Variants in IL17RD observed in about 807,000 individuals in gnomAD.
The protein encoded by IL17RD is interleukin-17 receptor D.
Under a neutral mutation model 80.5 loss-of-function variants are expected in IL17RD, and 52 were observed. That is an observed-to-expected ratio of 0.65 (90% CI 0.52 to 0.81). The LOEUF (loss-of-function observed/expected upper bound fraction) is 0.81, where lower values mean the gene tolerates loss of function less well. Ranked by LOEUF, IL17RD falls within the 40% of genes least tolerant of loss-of-function variation. The pLI is 0.00. For synonymous variants in IL17RD, 416 were observed against 391.8 expected (o/e 1.06, Z -0.73); for missense variants, 1,024 against 955.1 (o/e 1.07, Z -0.95).
chr3:57,160,064 C>T (rs1194780951), intron 1 of IL17RD, among the ~76,000 whole-genome samples: 2 of 152,066 alleles, frequency 1.3e-5, no homozygotes, highest in African/African-American at 2.4e-5. Flanking sequence ...CCCAACTACT[C>T]GGGAGGCTGA....
rs1706553270 is a variant in IL17RD, at chr3:57,091,467, G to T, written c.*4926C>A. On this transcript the variant is annotated 3_prime_UTR_variant, in exon 13 of 13. Transcript: ENST00000296318. ...AGAATTTCCCCATAATCCCCATCCT[G>T]AGCCTCGTCTTCACAAGGCACCAAT... 6.6e-6 allele frequency: 1 copy of T among 152,584 alleles called. No individual in the cohort carries two copies. The highest frequency in any genetic ancestry group is 2.4e-5 in the African/African-American group (1 of 41,420). 9.5% of individuals were successfully genotyped at this position (152,584 alleles called of 1,614,324 possible).
intron 1 of IL17RD, among the ~76,000 whole-genome samples, chr3:57,140,009 A>G (rs1312972701): frequency 6.6e-6 from 1 of 152,184 alleles, no homozygotes; most frequent in Non-Finnish European, 1.5e-5. Flanking sequence ...AACTTAAAAA[A>G]AAAAATCTGG....
intron 10 of IL17RD, among the ~76,000 whole-genome samples, chr3:57,102,105 A>AT (rs1553622633): frequency 6.6e-6 from 1 of 151,744 alleles, no homozygotes; most frequent in Non-Finnish European, 1.5e-5. Flanking sequence ...TACAAAAAAA[A>AT]TTTTTTTTTA....
intron 1 of IL17RD, chr3:57,134,037 G>A: frequency 2.8e-6 from 1 of 353,612 alleles, no homozygotes; most frequent in Non-Finnish European, 5.2e-6. Context: ...TAAAAGCAGT[G>A]ATTAATTCTT....
intron 2 of IL17RD, among the ~76,000 whole-genome samples, chr3:57,118,126 G>C (rs538053573): frequency 6.6e-6 from 1 of 152,298 alleles, no homozygotes; most frequent in East Asian, 1.9e-4. Flanking sequence ...CTAGGACCAA[G>C]AGCACATATT....
chr3:57,118,632 C>T (rs535779335), intron 2 of IL17RD, among the ~76,000 whole-genome samples: 5 of 152,134 alleles, frequency 3.3e-5, no homozygotes, highest in Non-Finnish European at 7.3e-5. Context: ...AAAAGCACCC[C>T]CCACATGCCC....
rs1560192034 is a variant in IL17RD at position 57,096,380 on chromosome 3, C to T, written c.*13G>A. The T allele has an allele frequency of 1.9e-6, 3 of 1,587,866 alleles. No homozygotes were observed. The highest frequency in any genetic ancestry group is 2.6e-6 in the Non-Finnish European group (3 of 1,156,000). ...AGCAGCTAAAGTGGCAATGCTTAGA[C>T]TCTTTCGTTTTGTTACAAAGGGGCG... On this transcript the variant is annotated 3_prime_UTR_variant, in exon 13 of 13. Transcript: ENST00000296318.
intron 1 of IL17RD, among the ~76,000 whole-genome samples, chr3:57,130,337 T>C (rs1403467021): frequency 6.6e-6 from 1 of 152,196 alleles, no homozygotes; most frequent in Non-Finnish European, 1.5e-5. Flanking sequence ...GCCAGTTCCC[T>C]GGGATGCAGA....
At position 57,144,692 on chromosome 3, in the gene IL17RD, C is replaced by T. The variant is rs180960296; in HGVS notation, c.126+20469G>A. Among the ~76,000 whole-genome samples, 318 of 149,434 alleles carry T rather than the reference C, an allele frequency of 2.1e-3. 1 individual carries two copies. The highest frequency in any genetic ancestry group is 7.6e-3 in the African/African-American group (305 of 40,308). ...CAGAGGACCTACTAAAACAATGCCA[C>T]GTCAACCAGGGCAGGTGGACAATCA... On this transcript the variant is annotated intron_variant, in intron 1 of 12. Coordinates refer to ENST00000296318, the MANE Select transcript of IL17RD (RefSeq NM_017563.5).
chr3:57,143,645 A>G (rs1402049587), intron 1 of IL17RD, among the ~76,000 whole-genome samples: 1 of 152,194 alleles, frequency 6.6e-6, no homozygotes, highest in African/African-American at 2.4e-5. Context: ...CTTTAATGCA[A>G]AGCCCTCAAT....
In IL17RD at chr3:57,095,833, C is replaced by T. The variant is rs1337036074; in HGVS notation, c.*560G>A. 1 of 153,704 alleles carries T rather than the reference C, an allele frequency of 6.5e-6. No homozygotes were observed. Among genetic ancestry groups the T allele is most frequent in the East Asian group, 1.9e-4 (1 of 5,264 alleles). 9.5% of individuals were successfully genotyped at this position (153,704 alleles called of 1,614,324 possible). ...CATAAAAGGTGACTGTATATTCAGT[C>T]ACTTTCTTGACTTTTGACTCAAAGC... On this transcript the variant is annotated 3_prime_UTR_variant, in exon 13 of 13. Transcript: ENST00000296318.
intron 1 of IL17RD, among the ~76,000 whole-genome samples, chr3:57,153,092 T>C (rs928494832): frequency 1.3e-5 from 2 of 152,180 alleles, no homozygotes; most frequent in African/African-American, 4.8e-5. Context: ...TTTCAAATAA[T>C]CTTTAAGGAA....
At chr3:57,153,905 G>C (rs920110051) in intron 1 of IL17RD, among the ~76,000 whole-genome samples, 22 of 151,848 alleles carry the variant, frequency 1.4e-4, no homozygotes, top group Non-Finnish European at 2.2e-4. Context: ...TGAGGGGTTG[G>C]GGGGTTGGGA....
At position 57,101,264 on chromosome 3, in the gene IL17RD, A is replaced by G; in HGVS notation, c.1079T>C (p.Leu360Pro). ...CTGGCCATCTTTACTGGAATAGCAG[A>G]GAAAGACCTTCGGCCGCGGCCGGAG... is the stretch of plus-strand genomic sequence containing the variant. ...ERLRPRPKVF[L>P]CYSSKDGQNH... The change falls in exon 11 of 13, where the codon CTC becomes CCC. Residue 360 changes from leucine (L) to proline (P), a missense_variant. Transcript: ENST00000296318. 4 of 1,613,738 alleles carry G rather than the reference A, an allele frequency of 2.5e-6. No individual in the cohort carries two copies. Among genetic ancestry groups the G allele is most frequent in the Non-Finnish European group, 3.4e-6 (4 of 1,179,720 alleles).
chr3:57,104,881 C>T (rs1706916248), intron 7 of IL17RD, among the ~76,000 whole-genome samples: 1 of 152,156 alleles, frequency 6.6e-6, no homozygotes, highest in Admixed American at 6.5e-5. Flanking sequence ...GGCTTTGCCA[C>T]CACGACCAAA....
At chr3:57,142,626 T>C in intron 1 of IL17RD, 1 of 441,370 alleles carries the variant, frequency 2.3e-6, no homozygotes, top group South Asian at 2.1e-5. Flanking sequence ...TTCTCTAACT[T>C]CCAGAACGTC....
intron 1 of IL17RD, chr3:57,134,015 A>G (rs752817559): frequency 5.1e-5 from 16 of 315,382 alleles, no homozygotes; most frequent in African/African-American, 3.2e-4. Flanking sequence ...ACAGAAGCTA[A>G]CCAGAAAAGA....
At chr3:57,145,983 C>T (rs533110969) in intron 1 of IL17RD, among the ~76,000 whole-genome samples, 5 of 152,024 alleles carry the variant, frequency 3.3e-5, no homozygotes, top group South Asian at 2.1e-4. Context: ...GGGTAATGTG[C>T]GATCAATCCA....
intron 7 of IL17RD, 118 bp downstream of exon 7, chr3:57,105,739 T>C (rs1706946234): frequency 5.3e-6 from 4 of 759,642 alleles, no homozygotes; most frequent in Non-Finnish European, 6.4e-6. Flanking sequence ...TTCTCAAGTA[T>C]CTACCAACCA....
Sources: allele counts gnomAD v4.1 joint callset (sites outside exome capture counted in the v4.1 genomes callset), GRCh38; gene constraint gnomAD v4.1.1; transcripts MANE v1.5; gene names NCBI Gene and HGNC (gene_info 2026-07-23, HGNC 2026-07-21).